The following ABHD12 variants were observed in gnomAD, a reference collection of about 807,000 sequenced individuals.
ABHD12 encodes the protein abhydrolase domain containing 12, lysophospholipase.
ABHD12 carries 43 observed loss-of-function variants against 58.3 expected under a neutral mutation model. The ratio of observed to expected loss-of-function variants is 0.74; its 90% CI spans 0.58 to 0.95. ABHD12 has a LOEUF of 0.95. Ranked by LOEUF, ABHD12 falls within the 40% of genes least tolerant of loss-of-function variation. The pLI is 0.00. For missense variants in ABHD12, 539 were observed against 537.2 expected (o/e 1.00, Z -0.03); for synonymous variants, 219 against 211.2 (o/e 1.04, Z -0.32).
chr20:25,319,777 A>G (rs895245092), intron 4 of ABHD12, among the ~76,000 whole-genome samples: 19 of 152,214 alleles, frequency 1.2e-4, no homozygotes, highest in South Asian at 4.1e-4. Flanking sequence ...ACATACCAGC[A>G]GATGCTGTGA....
chr20:25,390,797 G>T lies in ABHD12; in HGVS notation c.-94C>A. 1.2e-6 allele frequency: 1 copy of T among 854,614 alleles called. No individual in the cohort carries two copies. 52.9% of individuals were successfully genotyped at this position (854,614 alleles called of 1,614,324 possible). ...CGCCGCCACCCAGAGCCCGGAGCCC[G>T]GAACCCGCCGCTCCTCACATCCCAG... On this transcript the variant is annotated 5_prime_UTR_variant, in exon 1 of 13. Transcript: ENST00000339157.
downstream of ABHD12, chr20:25,296,461 A>T (rs1200561159): frequency 6.2e-7 from 1 of 1,613,950 alleles, no homozygotes; most frequent in South Asian, 1.1e-5. Flanking sequence ...TATGCACGGG[A>T]GATCTGGGGT....
chr20:25,308,173 G>A (rs2088780631), intron 8 of ABHD12, 128 bp from the exon 9 acceptor site: 4 of 794,566 alleles, frequency 5.0e-6, no homozygotes, highest in African/African-American at 1.7e-5. Context: ...CAACCACCTC[G>A]GCAGGCCTCA....
chr20:25,320,910 A>G (rs1383880917), intron 3 of ABHD12, among the ~76,000 whole-genome samples: 1 of 152,128 alleles, frequency 6.6e-6, no homozygotes, highest in Non-Finnish European at 1.5e-5. Context: ...ATCTAGCCAA[A>G]CCCTCCTTCA....
Position 25,308,511 on chromosome 20 carries a change from AC to A in ABHD12, c.750-18del. On this transcript the variant is annotated intron_variant, in intron 7 of 12. Coordinates refer to ENST00000339157, the MANE Select transcript of ABHD12 (RefSeq NM_001042472.3). Reference sequence around the variant, plus strand: ...GTCGCCACGCTAGGAAAAAAGAAAAACAGCTTAGTTGAGTTATGATAAAATT... The same window carrying A: ...GTCGCCACGCTAGGAAAAAAGAAAAAAGCTTAGTTGAGTTATGATAAAATT... 1.2e-6 allele frequency: 2 copies of A among 1,605,594 alleles called. No homozygotes were observed. Among genetic ancestry groups the A allele is most frequent in the Non-Finnish European group, 1.7e-6 (2 of 1,175,654 alleles).
intron 1 of ABHD12, among the ~76,000 whole-genome samples, chr20:25,359,439 A>C (rs1027155668): frequency 7.0e-6 from 1 of 143,406 alleles, no homozygotes; most frequent in Non-Finnish European, 1.5e-5. Flanking sequence ...AAAAAAAAAA[A>C]AAAAAACATT....
chr20:25,327,445 C>T (rs892501775), intron 2 of ABHD12, among the ~76,000 whole-genome samples: 17 of 146,636 alleles, frequency 1.2e-4, no homozygotes, highest in African/African-American at 2.6e-4. Context: ...TCAGTCCGGG[C>T]GACAGAACAA....
At chr20:25,318,646 A>C (rs2089007947) in intron 4 of ABHD12, among the ~76,000 whole-genome samples, 1 of 147,858 alleles carries the variant, frequency 6.8e-6, no homozygotes, top group Non-Finnish European at 1.5e-5. Context: ...TTTCTAACCT[A>C]AAGTTATAGG....
chr20:25,310,724 C>T (rs2088833703), intron 6 of ABHD12, among the ~76,000 whole-genome samples: 1 of 151,882 alleles, frequency 6.6e-6, no homozygotes. Flanking sequence ...CAGAGACAGG[C>T]AAGAAGACTG....
chr20:25,382,225 G>C (rs932998810), intron 1 of ABHD12, among the ~76,000 whole-genome samples: 2 of 152,118 alleles, frequency 1.3e-5, no homozygotes, highest in Non-Finnish European at 2.9e-5. Context: ...ACAATACAAA[G>C]GGGCTGAGGC....
At chr20:25,342,381 A>C (rs527797381) in intron 1 of ABHD12, among the ~76,000 whole-genome samples, 1 of 152,148 alleles carries the variant, frequency 6.6e-6, no homozygotes, top group South Asian at 2.1e-4. Context: ...AGGTATCTCT[A>C]TTCATTAGCA....
intron 1 of ABHD12, among the ~76,000 whole-genome samples, chr20:25,387,020 C>T (rs939254916): frequency 6.6e-6 from 1 of 152,090 alleles, no homozygotes; most frequent in Non-Finnish European, 1.5e-5. Context: ...AGAAGAAAAT[C>T]TCTATGATCA....
intron 1 of ABHD12, among the ~76,000 whole-genome samples, chr20:25,351,314 T>C (rs954285505): frequency 2.6e-5 from 4 of 152,206 alleles, no homozygotes; most frequent in Non-Finnish European, 5.9e-5. Flanking sequence ...TTGTGCTTGA[T>C]GAACCCATAA....
intron 1 of ABHD12, among the ~76,000 whole-genome samples, chr20:25,356,810 C>T (rs932587008): frequency 5.9e-5 from 9 of 152,082 alleles, no homozygotes; most frequent in Non-Finnish European, 1.2e-4. Context: ...AAATGCTTAG[C>T]GAGGCAGGCA....
intron 1 of ABHD12, among the ~76,000 whole-genome samples, chr20:25,357,213 G>A (rs867719371): frequency 2.0e-5 from 3 of 152,044 alleles, no homozygotes; most frequent in Non-Finnish European, 4.4e-5. Context: ...TCAGTCTCTC[G>A]CAGGGGCCCC....
At chr20:25,358,579 T>C (rs573963733) in intron 1 of ABHD12, among the ~76,000 whole-genome samples, 1 of 152,306 alleles carries the variant, frequency 6.6e-6, no homozygotes, top group Non-Finnish European at 1.5e-5. Flanking sequence ...CTGCACACCC[T>C]CTTCAGTATG....
At chr20:25,358,325 C>T (rs542458380) in intron 1 of ABHD12, among the ~76,000 whole-genome samples, 1 of 152,278 alleles carries the variant, frequency 6.6e-6, no homozygotes, top group Middle Eastern at 3.4e-3. Flanking sequence ...CACAAGGATG[C>T]TGGGTGCACA....
chr20:25,301,472 TG>T (rs2145915223), intron 12 of ABHD12, among the ~76,000 whole-genome samples: 1 of 152,342 alleles, frequency 6.6e-6, no homozygotes, highest in African/African-American at 2.4e-5. Flanking sequence ...AGCCCCTCCG[TG>T]GGTCCAGTGC....
intron 1 of ABHD12, among the ~76,000 whole-genome samples, chr20:25,355,727 T>A (rs2089658795): frequency 6.6e-6 from 1 of 152,092 alleles, no homozygotes; most frequent in Admixed American, 6.5e-5. Context: ...CCCAGGTAAT[T>A]TTTGTATTTT....
Sources: allele counts gnomAD v4.1 joint callset (sites outside exome capture counted in the v4.1 genomes callset), GRCh38; gene constraint gnomAD v4.1.1; transcripts MANE v1.5; gene names NCBI Gene and HGNC (gene_info 2026-07-23, HGNC 2026-07-21).